ADCY3: variants seen among roughly 807,000 people sequenced by gnomAD.
ADCY3 encodes adenylate cyclase 3.
Under a neutral mutation model 119.4 loss-of-function variants are expected in ADCY3, and 70 were observed. That is an observed-to-expected ratio of 0.59 (90% CI 0.48 to 0.72). The LOEUF is 0.72. ADCY3 is among the 30% of genes least tolerant of loss of function. ADCY3 has a pLI of 0.00. For synonymous variants in ADCY3, 672 were observed against 621.4 expected (o/e 1.08, Z -1.21); for missense variants, 1,238 against 1,541.6 (o/e 0.80, Z 3.30).
chr2:24,831,783 G>C (rs747875770), intron 11 of ADCY3, 34 bp from the exon 12 acceptor site: 2 of 1,529,670 alleles, frequency 1.3e-6, no homozygotes, highest in Admixed American at 1.7e-5. Context: ...GGAGAGGCCA[G>C]AGGGGACAGT....
intron 21 of ADCY3, 24 bp downstream of exon 21, chr2:24,820,700 T>C (rs1319726652): frequency 6.2e-7 from 1 of 1,613,566 alleles, no homozygotes; most frequent in South Asian, 1.1e-5. Context: ...TCTGAGCACG[T>C]GCCAGCTGTG....
At chr2:24,903,825 C>T (rs1447991645) in intron 2 of ADCY3, among the ~76,000 whole-genome samples, 1 of 152,126 alleles carries the variant, frequency 6.6e-6, no homozygotes, top group East Asian at 1.9e-4. Context: ...AGGTGTTGTG[C>T]GTCACTAACC....
chr2:24,850,785 G>A (rs1672198079), intron 3 of ADCY3, among the ~76,000 whole-genome samples: 1 of 152,180 alleles, frequency 6.6e-6, no homozygotes, highest in Admixed American at 6.5e-5. Context: ...CACATCCTCT[G>A]GATGGAAGAT....
intron 3 of ADCY3, among the ~76,000 whole-genome samples, chr2:24,850,401 G>C (rs1386741895): frequency 1.3e-5 from 2 of 152,178 alleles, no homozygotes; most frequent in African/African-American, 4.8e-5. Flanking sequence ...GTGTTCCTGG[G>C]GGAAGGAAGG....
At chr2:24,850,292 G>GCTA (rs898930941) in intron 3 of ADCY3, among the ~76,000 whole-genome samples, 5 of 152,278 alleles carry the variant, frequency 3.3e-5, no homozygotes, top group Non-Finnish European at 5.9e-5. Flanking sequence ...AGTGCGTGAT[G>GCTA]CTAGCTACGG....
At chr2:24,821,352 T>C in intron 20 of ADCY3, 165 bp downstream of exon 20, 1 of 990,798 alleles carries the variant, frequency 1.0e-6, no homozygotes, top group South Asian at 1.6e-5. Context: ...TCATCTAGAG[T>C]CGTCTGGACT....
At chr2:24,847,158 G>C (rs954960948) in intron 3 of ADCY3, among the ~76,000 whole-genome samples, 3 of 152,110 alleles carry the variant, frequency 2.0e-5, no homozygotes, top group Non-Finnish European at 4.4e-5. Flanking sequence ...TTGAATCATG[G>C]GGGCCAGACT....
At chr2:24,825,334 CGGGGGGGGGGGGGGTGCGGGG>C (rs1668435515) in intron 16 of ADCY3, among the ~76,000 whole-genome samples, 1 of 81,574 alleles carries the variant, frequency 1.2e-5, no homozygotes, top group African/African-American at 6.8e-5. Flanking sequence ...GTGGTTGTGG[CGGGGGGGGGGGGGGTGCGGGG>C]GGGGTGTCTC....
At position 24,872,742 on chromosome 2, in the gene ADCY3, G is replaced by C. The variant is rs1024139207; in HGVS notation, c.676-23C>G. On this transcript the variant is annotated intron_variant, in intron 2 of 21. Transcript: ENST00000679454. This position sits in a 1 kb window ranked among gnomAD's most constrained non-coding sequence, Gnocchi z 4.4. Reference sequence around the variant, plus strand: ...GATCTGCACCCCAAGGAAGAAGAGAGAAAAGGCCAGGGGTGAAGGCACGTC... The same window carrying C: ...GATCTGCACCCCAAGGAAGAAGAGACAAAAGGCCAGGGGTGAAGGCACGTC... The C allele has an allele frequency of 6.2e-7, 1 of 1,609,950 alleles. No individual in the cohort carries two copies. The highest frequency in any genetic ancestry group is 1.3e-5 in the African/African-American group (1 of 74,956).
At chr2:24,895,608 T>C (rs1234051421) in intron 2 of ADCY3, among the ~76,000 whole-genome samples, 2 of 151,962 alleles carry the variant, frequency 1.3e-5, no homozygotes, top group Admixed American at 6.6e-5. Flanking sequence ...TTTGTCAATG[T>C]TTTTTCTTTC....
At chr2:24,897,618 G>A (rs1019630487) in intron 2 of ADCY3, among the ~76,000 whole-genome samples, 1 of 152,150 alleles carries the variant, frequency 6.6e-6, no homozygotes, top group African/African-American at 2.4e-5. Context: ...CATGTGGCTG[G>A]CTGTTCTCTT....
chr2:24,820,985 G>A (rs1226922605), intron 20 of ADCY3, 137 bp from the exon 21 acceptor site: 4 of 1,269,888 alleles, frequency 3.1e-6, no homozygotes, highest in African/African-American at 1.5e-5. Flanking sequence ...TTGGCTGTAT[G>A]CTATTGGAGG....
At position 24,872,491 on chromosome 2, in the gene ADCY3, C is replaced by T. The variant is rs1675140858; in HGVS notation, c.825+79G>A. The T allele has an allele frequency of 9.8e-6, 15 of 1,527,968 alleles. No homozygotes were observed. The highest frequency in any genetic ancestry group is 2.3e-5 in the East Asian group (1 of 44,092). The allele number at this position is 1,527,968 out of a possible 1,614,324, so 94.7% of individuals were successfully genotyped here. A position where few individuals can be genotyped will look rare whatever the true frequency, so the allele number is the denominator to read the frequency against. ...CAAGCCCCACGGAGCCAGGGGCTGC[C>T]GCTCTGGTTCCTCTCCCTCTGACAA... On this transcript the variant is annotated intron_variant, in intron 3 of 21. Coordinates refer to ENST00000679454, the MANE Select transcript of ADCY3 (RefSeq NM_004036.5). The surrounding 1 kb of genome is among the most constrained non-coding windows in gnomAD (Gnocchi z 4.4).
At chr2:24,913,697 T>A (rs1664084587) in intron 2 of ADCY3, among the ~76,000 whole-genome samples, 1 of 152,152 alleles carries the variant, frequency 6.6e-6, no homozygotes, top group Non-Finnish European at 1.5e-5. Context: ...CCTCTCACCC[T>A]CCCTACGGCA....
At chr2:24,865,719 C>T (rs1433087581) in intron 3 of ADCY3, among the ~76,000 whole-genome samples, 1 of 151,942 alleles carries the variant, frequency 6.6e-6, no homozygotes, top group Non-Finnish European at 1.5e-5. Context: ...TATAGCAGGC[C>T]AACCCTCCAG....
At position 24,842,130 on chromosome 2, in the gene ADCY3, T is replaced by C. The variant is rs1671081107; in HGVS notation, c.956+124A>G. On this transcript the variant is annotated intron_variant, in intron 4 of 21. Transcript: ENST00000679454. The surrounding 1 kb of genome is among the most constrained non-coding windows in gnomAD (Gnocchi z 4.9). ...TCCTCCGCCAGGCTGATGAATGCTG[T>C]GGGAGGCCTTGCTTCTAGTCCCTGG... is the stretch of plus-strand genomic sequence containing the variant. 2.9e-6 allele frequency: 4 copies of C among 1,363,854 alleles called. No homozygotes were observed. In the Admixed American group the frequency reaches 7.8e-5, roughly 27 times the overall value. 84.5% of individuals were successfully genotyped at this position (1,363,854 alleles called of 1,614,324 possible).
chr2:24,819,894 C>A lies in ADCY3; in HGVS notation c.*38G>T. ...TTCCTTCAGTTTCAAAAAATAAATT[C>A]TCCCTTCCGGTTTGGACTGTTGCAG... On this transcript the variant is annotated 3_prime_UTR_variant, in exon 22 of 22. Coordinates refer to ENST00000679454, the MANE Select transcript of ADCY3 (RefSeq NM_004036.5). 6.3e-7 allele frequency: 1 copy of A among 1,596,586 alleles called. No individual in the cohort carries two copies. The highest frequency in any genetic ancestry group is 8.5e-7 in the Non-Finnish European group (1 of 1,170,914).
chr2:24,824,094 G>A (rs1233876663), intron 17 of ADCY3, among the ~76,000 whole-genome samples: 1 of 152,272 alleles, frequency 6.6e-6, no homozygotes, highest in African/African-American at 2.4e-5. Flanking sequence ...TCTGTTTGGA[G>A]AAGTTCACAG....
At position 24,838,522 on chromosome 2, in the gene ADCY3, CCT is replaced by C; in HGVS notation, c.1454_1455del (p.Lys485ArgfsTer3). On this transcript the variant is annotated frameshift_variant, in exon 8 of 22. Coordinates refer to ENST00000679454, the MANE Select transcript of ADCY3 (RefSeq NM_004036.5). LOFTEE classifies it high-confidence loss of function. The part of the protein sequence containing the change: ...GGSRCDYLEE[K>X]GIETYLIIAS... ...GCAATGATGAGGTAGGTTTCAATAC[CCT>C]TCTCTTCTAGGTAATCACAGCGGCT... 6.2e-7 allele frequency: 1 copy of C among 1,614,126 alleles called. No homozygotes were observed. The highest frequency in any genetic ancestry group is 8.5e-7 in the Non-Finnish European group (1 of 1,180,018).
Sources: allele counts gnomAD v4.1 joint callset (sites outside exome capture counted in the v4.1 genomes callset), GRCh38; gene constraint gnomAD v4.1.1; non-coding constraint Gnocchi (gnomAD v3.1); transcripts MANE v1.5; gene names NCBI Gene and HGNC (gene_info 2026-07-23, HGNC 2026-07-21).